SIPA1L1: variants seen among roughly 807,000 people sequenced by gnomAD.
SIPA1L1 encodes signal-induced proliferation-associated 1-like protein 1.
A neutral mutation model predicts 162.7 loss-of-function variants in SIPA1L1; 26 were observed. The ratio of observed to expected loss-of-function variants is 0.16; its 90% CI spans 0.12 to 0.22. The LOEUF is 0.22. Ranked by LOEUF, SIPA1L1 falls within the 10% of genes least tolerant of loss-of-function variation. The probability of loss-of-function intolerance (pLI) is 1.00; values close to 1 mark genes in which losing one functional copy is unlikely to be tolerated. For synonymous variants in SIPA1L1, 829 were observed against 837.4 expected (o/e 0.99, Z 0.17); for missense variants, 1,874 against 2,241.0 (o/e 0.84, Z 3.31).
chr14:71,567,217 A>C (rs554517522), intron 4 of SIPA1L1, among the ~76,000 whole-genome samples: 82 of 152,208 alleles, frequency 5.4e-4, no homozygotes, highest in Non-Finnish European at 1.1e-3. Flanking sequence ...AAGGATGTTG[A>C]AAGATGCTCC....
At chr14:71,411,140 C>G (rs915962601) in intron 2 of SIPA1L1, among the ~76,000 whole-genome samples, 17 of 151,696 alleles carry the variant, frequency 1.1e-4, no homozygotes, top group African/African-American at 4.1e-4. Context: ...TTTCTTGCTG[C>G]TTTTACAGTG....
chr14:71,335,836 C>T (rs2035037467), intron 2 of SIPA1L1, among the ~76,000 whole-genome samples: 1 of 152,178 alleles, frequency 6.6e-6, no homozygotes, highest in African/African-American at 2.4e-5. Context: ...TATTTTGTTT[C>T]AGCCTCTAAG....
chr14:71,588,432 G>A lies in SIPA1L1; in HGVS notation c.560G>A (p.Ser187Asn). Residue 187 changes from serine (S) to asparagine (N), a missense_variant, in exon 5 of 24, where the codon AGC becomes AAC. Physicochemically the swap from Ser to Asn is conservative, Grantham distance 46. Transcript: ENST00000381232. This position sits in a 1 kb window ranked among gnomAD's most constrained non-coding sequence, Gnocchi z 4.3. ...DITISELDVD[S>N]FDECISPTYK... is the part of the protein sequence containing the mutation. The stretch of plus-strand genomic sequence containing the variant: ...ACCATAAGTGAACTTGATGTGGATA[G>A]CTTTGATGAATGTATCTCACCTACA... 1 of 1,614,116 alleles carries A rather than the reference G, an allele frequency of 6.2e-7. No homozygotes were observed. Among genetic ancestry groups the A allele is most frequent in the Non-Finnish European group, 8.5e-7 (1 of 1,179,980 alleles).
chr14:71,500,556 G>A (rs565251599), intron 2 of SIPA1L1, among the ~76,000 whole-genome samples: 2 of 152,332 alleles, frequency 1.3e-5, no homozygotes, highest in African/African-American at 4.8e-5. Flanking sequence ...GCTAGTGGGA[G>A]TAAAATTGCT....
chr14:71,675,461 G>A lies in SIPA1L1; in HGVS notation c.3104+2839G>A, dbSNP rs547326101. ...GAAAAGTCAGACCTGGGCAGGGCAG[G>A]TGGGAAATGCCTTGATGCCTTTGGA... On this transcript the variant is annotated intron_variant, in intron 12 of 23. Transcript: ENST00000381232. 3.9e-5 allele frequency among the ~76,000 whole-genome samples: 6 copies of A among 152,364 alleles called. No individual in the cohort carries two copies. The East Asian group carries it at 9.6e-4, about 24-fold the overall frequency.
intron 2 of SIPA1L1, among the ~76,000 whole-genome samples, chr14:71,327,388 T>A (rs2033961607): frequency 6.6e-6 from 1 of 152,218 alleles, no homozygotes; most frequent in African/African-American, 2.4e-5. Context: ...TGAACCTCTA[T>A]TTTTACATTT....
At chr14:71,519,339 T>C (rs1311862953) in intron 3 of SIPA1L1, among the ~76,000 whole-genome samples, 1 of 152,050 alleles carries the variant, frequency 6.6e-6, no homozygotes, top group Non-Finnish European at 1.5e-5. Flanking sequence ...CCTATGGATG[T>C]AGATATATGT....
intron 3 of SIPA1L1, among the ~76,000 whole-genome samples, chr14:71,514,258 C>T (rs772035288): frequency 6.6e-6 from 1 of 152,138 alleles, no homozygotes; most frequent in Non-Finnish European, 1.5e-5. Context: ...CCTTTCTGCC[C>T]TGATTCTTCC....
At chr14:71,710,822 A>AAAAAAAAG (rs1555362342) in intron 17 of SIPA1L1, among the ~76,000 whole-genome samples, 1 of 151,158 alleles carries the variant, frequency 6.6e-6, no homozygotes, top group African/African-American at 2.4e-5. Flanking sequence ...AAAAAAAAAA[A>AAAAAAAAG]AAAGAAAGAA....
Position 71,528,233 on chromosome 14 carries a change from C to T in SIPA1L1, c.-361-1079C>T, listed in dbSNP as rs538136455. ...ATTTTTTTCTCCTGAGAACTGTCTCCTCAGATCTTCAAGTTAAGGAATTTA... is the reference window on the plus strand; with the variant it reads ...ATTTTTTTCTCCTGAGAACTGTCTCTTCAGATCTTCAAGTTAAGGAATTTA... On this transcript the variant is annotated intron_variant, in intron 3 of 23. Coordinates refer to ENST00000381232, the MANE Select transcript of SIPA1L1 (RefSeq NM_001386936.1). Among the ~76,000 whole-genome samples, 4 of 152,244 alleles carry T rather than the reference C, an allele frequency of 2.6e-5. No homozygotes were observed. In the South Asian group the frequency reaches 8.3e-4, roughly 32 times the overall value.
intron 4 of SIPA1L1, chr14:71,574,815 A>G (rs1196243761): frequency 6.6e-6 from 1 of 152,176 alleles, no homozygotes; most frequent in Non-Finnish European, 1.5e-5. Context: ...TGATCAAGTT[A>G]ATACATTTGT....
intron 13 of SIPA1L1, among the ~76,000 whole-genome samples, chr14:71,697,938 A>AC: frequency 6.6e-6 from 1 of 151,810 alleles, no homozygotes; most frequent in South Asian, 2.1e-4. Flanking sequence ...AAAAAACAAA[A>AC]AAAAAACCAC....
At chr14:71,558,062 T>A (rs1397947198) in intron 4 of SIPA1L1, among the ~76,000 whole-genome samples, 8 of 152,148 alleles carry the variant, frequency 5.3e-5, no homozygotes, top group Admixed American at 6.5e-5. Flanking sequence ...TAAAAAAATA[T>A]TTTATTGAAT....
rs1254569655 is a variant in SIPA1L1, at chr14:71,357,689, G to A, written c.-465+36508G>A. ...CGATTCTCTAGCCTCAGCCTGCCAA[G>A]TAGTTGGTACTGTAGGCATGAGCCA... On this transcript the variant is annotated intron_variant, in intron 2 of 23. Transcript: ENST00000381232. 2.0e-5 allele frequency among the ~76,000 whole-genome samples: 3 copies of A among 152,208 alleles called. No homozygotes were observed. In the East Asian group the frequency reaches 5.8e-4, roughly 29 times the overall value.
chr14:71,720,527 G>A (rs559516040), intron 17 of SIPA1L1, among the ~76,000 whole-genome samples: 7 of 152,012 alleles, frequency 4.6e-5, no homozygotes, highest in Admixed American at 2.6e-4. Flanking sequence ...CCAAGATAGT[G>A]CCACTGCACT....
chr14:71,674,077 A>G (rs978982968), intron 12 of SIPA1L1, among the ~76,000 whole-genome samples: 5 of 152,248 alleles, frequency 3.3e-5, no homozygotes. Flanking sequence ...ACAGACAATT[A>G]TAAATGGGAG....
chr14:71,507,335 A>G (rs1256774472), intron 2 of SIPA1L1, among the ~76,000 whole-genome samples: 2 of 152,130 alleles, frequency 1.3e-5, no homozygotes, highest in East Asian at 3.8e-4. Flanking sequence ...AACATGTAAG[A>G]TGAATTTTGT....
At chr14:71,360,838 A>T (rs1052969926) in intron 2 of SIPA1L1, among the ~76,000 whole-genome samples, 2 of 152,220 alleles carry the variant, frequency 1.3e-5, no homozygotes, top group Non-Finnish European at 2.9e-5. Flanking sequence ...CATTAGAGGA[A>T]ATTAATGATA....
At chr14:71,556,782 T>C (rs752409139) in intron 4 of SIPA1L1, among the ~76,000 whole-genome samples, 71 of 152,292 alleles carry the variant, frequency 4.7e-4, no homozygotes, top group Non-Finnish European at 7.4e-4. Context: ...TTTTATTACA[T>C]GGCCTGGTTG....
Sources: gnomAD v4.1 joint callset for allele counts (sites outside exome capture counted in the v4.1 genomes callset) on GRCh38, gnomAD v4.1.1 for gene constraint, Gnocchi (gnomAD v3.1) non-coding constraint, MANE v1.5 for transcripts, NCBI Gene and HGNC (gene_info 2026-07-23, HGNC 2026-07-21) for gene names.